ZBBX: variants seen among roughly 807,000 people sequenced by gnomAD.
The protein encoded by ZBBX is zinc finger B-box domain containing.
Under a neutral mutation model 108.5 loss-of-function variants are expected in ZBBX, and 101 were observed. The ratio of observed to expected loss-of-function variants is 0.93; its 90% confidence interval spans 0.79 to 1.10. The LOEUF (loss-of-function observed/expected upper bound fraction) is 1.10. Among genes scored for constraint, ZBBX ranks in the 50% least tolerant of loss-of-function variants. The pLI, the probability that ZBBX is intolerant of heterozygous loss-of-function variation, is 0.00. For synonymous variants in ZBBX, 356 were observed against 323.4 expected, an observed-to-expected ratio of 1.10 and a Z score of -1.08; for missense variants, 1,009 against 941.4, an observed-to-expected ratio of 1.07 and a Z score of -0.94.
At chr3:167,364,776 A>G (rs747113454) in intron 6 of ZBBX, among the ~76,000 whole-genome samples, 5 of 151,888 alleles carry the variant, frequency 3.3e-5, no homozygotes, top group African/African-American at 1.2e-4. Flanking sequence ...ACACCTCTCT[A>G]TGTTTTACAA....
chr3:167,274,957 G>A (rs1379986600), intron 20 of ZBBX, among the ~76,000 whole-genome samples: 1 of 152,168 alleles, frequency 6.6e-6, no homozygotes, highest in Non-Finnish European at 1.5e-5. Flanking sequence ...AAATTGCCTT[G>A]ATGAGGAAAC....
chr3:167,314,844 C>T (rs1026938791), intron 15 of ZBBX, among the ~76,000 whole-genome samples: 1 of 152,142 alleles, frequency 6.6e-6, no homozygotes, highest in African/African-American at 2.4e-5. Context: ...AAAGCAAAGA[C>T]ATGTGATAAG....
At chr3:167,204,383 C>T in the ZBBX span, among the ~76,000 whole-genome samples, 1 of 131,094 alleles carries the variant, frequency 7.6e-6, no homozygotes, top group Admixed American at 7.9e-5. Context: ...CAATGCTATC[C>T]CTCCCCCCTC....
the ZBBX span, among the ~76,000 whole-genome samples, chr3:167,180,336 A>G: frequency 6.6e-6 from 1 of 152,204 alleles, no homozygotes; most frequent in Non-Finnish European, 1.5e-5. Flanking sequence ...GTCGTATCCA[A>G]TTGATGTCCC....
At chr3:167,226,714 C>T in the ZBBX span, among the ~76,000 whole-genome samples, 1 of 151,744 alleles carries the variant, frequency 6.6e-6, no homozygotes, top group East Asian at 1.9e-4. Context: ...CTTCAGATCT[C>T]AACTGAAATA....
chr3:167,236,547 T>C (rs1720238227), downstream of ZBBX, among the ~76,000 whole-genome samples: 1 of 151,814 alleles, frequency 6.6e-6, no homozygotes, highest in East Asian at 1.9e-4. Context: ...AGAAATACAT[T>C]CATATTAGTC....
chr3:167,253,136 C>A (rs557158574), intron 20 of ZBBX, among the ~76,000 whole-genome samples: 1 of 152,118 alleles, frequency 6.6e-6, no homozygotes, highest in South Asian at 2.1e-4. Context: ...AAAATAAAAT[C>A]ATAAAAGGAG....
At chr3:167,384,377 T>G (rs933440343), upstream of ZBBX, among the ~76,000 whole-genome samples, 1 of 152,094 alleles carries the variant, frequency 6.6e-6, no homozygotes, top group Non-Finnish European at 1.5e-5. Flanking sequence ...CAGAGCTGCT[T>G]GTCTCTACAT....
upstream of ZBBX, among the ~76,000 whole-genome samples, chr3:167,383,124 C>G (rs530080969): frequency 7.2e-5 from 11 of 152,126 alleles, no homozygotes; most frequent in Non-Finnish European, 1.5e-4. Flanking sequence ...AATACCAAAC[C>G]TTTGGAAGAA....
At chr3:167,296,176 A>G (rs1731661472) in intron 18 of ZBBX, among the ~76,000 whole-genome samples, 2 of 152,090 alleles carry the variant, frequency 1.3e-5, no homozygotes, top group African/African-American at 4.8e-5. Flanking sequence ...ATTTATGCAG[A>G]AAAAGTATTT....
intron 17 of ZBBX, among the ~76,000 whole-genome samples, chr3:167,305,259 A>G (rs1173769770): frequency 6.6e-6 from 1 of 152,138 alleles, no homozygotes; most frequent in East Asian, 1.9e-4. Context: ...CTGTCTAGAT[A>G]TCTGCATTTA....
At chr3:167,281,751 T>C (rs74450274) in intron 20 of ZBBX, among the ~76,000 whole-genome samples, 2,128 of 152,316 alleles carry the variant, frequency 0.014, 26 homozygotes, top group South Asian at 0.026. Flanking sequence ...ATTTGTTAGA[T>C]ATGCAGAATC....
chr3:167,257,581 T>C (rs1723744519), intron 20 of ZBBX, among the ~76,000 whole-genome samples: 1 of 152,128 alleles, frequency 6.6e-6, no homozygotes, highest in Non-Finnish European at 1.5e-5. Flanking sequence ...TTTTAAAGGT[T>C]TTCATCATGG....
At chr3:167,377,147 C>T (rs1747088661) in intron 2 of ZBBX, among the ~76,000 whole-genome samples, 1 of 152,002 alleles carries the variant, frequency 6.6e-6, no homozygotes, top group Non-Finnish European at 1.5e-5. Context: ...CACAAAATAC[C>T]CAATATAACC....
chr3:167,340,700 A>T (rs1740387945), intron 9 of ZBBX, among the ~76,000 whole-genome samples: 1 of 151,974 alleles, frequency 6.6e-6, no homozygotes, highest in Non-Finnish European at 1.5e-5. Context: ...TAGAATCAAA[A>T]GAAAGGGTTG....
intron 9 of ZBBX, among the ~76,000 whole-genome samples, chr3:167,346,237 T>G (rs1256713699): frequency 2.0e-5 from 3 of 151,848 alleles, no homozygotes; most frequent in African/African-American, 7.2e-5. Context: ...CATTTATGCC[T>G]CATTTTTCAG....
At chr3:167,238,201 G>A (rs945108223), downstream of ZBBX, among the ~76,000 whole-genome samples, 3 of 151,942 alleles carry the variant, frequency 2.0e-5, no homozygotes, top group Non-Finnish European at 4.4e-5. Context: ...AATTCAGAAA[G>A]CCAGTAGTGT....
At chr3:167,226,485 T>A in the ZBBX span, among the ~76,000 whole-genome samples, 28 of 151,744 alleles carry the variant, frequency 1.8e-4, no homozygotes, top group African/African-American at 6.5e-4. Context: ...AAACCTGGAA[T>A]GGAACATTGT....
chr3:167,348,328 G>GAAAGAA, intron 9 of ZBBX, among the ~76,000 whole-genome samples: 1 of 88,836 alleles, frequency 1.1e-5, no homozygotes, highest in South Asian at 3.9e-4. Context: ...AAGAAAGAAA[G>GAAAGAA]AAAGAAAGAA....
Sources: allele counts gnomAD v4.1 joint callset (sites outside exome capture counted in the v4.1 genomes callset), GRCh38; gene constraint gnomAD v4.1.1; transcripts MANE v1.5; gene names NCBI Gene and HGNC (gene_info 2026-07-23, HGNC 2026-07-21).